PSMD6: variants seen among roughly 807,000 people sequenced by gnomAD.
PSMD6 encodes the protein proteasome 26S subunit, non-ATPase 6.
Under a neutral mutation model 44.9 loss-of-function variants are expected in PSMD6, and 7 were observed. The observed-to-expected ratio is 0.16, with a 90% CI of 0.09 to 0.29. PSMD6 has a LOEUF of 0.29. PSMD6 is among the 10% of genes least tolerant of loss of function. The pLI is 1.00. For missense variants in PSMD6, 420 were observed against 482.6 expected (o/e 0.87, Z 1.21); for synonymous variants, 184 against 172.7 (o/e 1.07, Z -0.51).
intron 1 of PSMD6, 79 bp downstream of exon 1, chr3:64,023,195 CA>C: frequency 1.0e-5 from 15 of 1,466,730 alleles, no homozygotes; most frequent in Admixed American, 5.0e-5. Flanking sequence ...GGAGCTCCAT[CA>C]AAAAAAGTCC....
chr3:64,019,170 T>A, intron 3 of PSMD6, 126 bp downstream of exon 3: 2 of 1,380,718 alleles, frequency 1.4e-6, no homozygotes, highest in Non-Finnish European at 2.0e-6. Context: ...ATTATTTTAC[T>A]AAATAAGTAC....
At chr3:64,019,227 T>G (rs2076093326) in intron 3 of PSMD6, 69 bp downstream of exon 3, 4 of 1,503,124 alleles carry the variant, frequency 2.7e-6, no homozygotes, top group Non-Finnish European at 2.7e-6. Context: ...AACAGGCAGT[T>G]TCTTATATCA....
intron 1 of PSMD6, chr3:64,022,951 G>C (rs2076156510): frequency 4.2e-6 from 6 of 1,431,492 alleles, no homozygotes; most frequent in Non-Finnish European, 4.6e-6. Flanking sequence ...CCCGCGCCCG[G>C]GAGCAGTCCC....
chr3:64,018,431 G>A (rs961232583), intron 5 of PSMD6, 168 bp downstream of exon 5: 9 of 535,268 alleles, frequency 1.7e-5, no homozygotes, highest in Non-Finnish European at 2.7e-5. Flanking sequence ...ACAATCTGAT[G>A]ACCCTTCTTC....
At chr3:64,023,033 C>T in intron 1 of PSMD6, 1 of 1,426,728 alleles carries the variant, frequency 7.0e-7, no homozygotes, top group Non-Finnish European at 9.1e-7. Flanking sequence ...TCACGATTCT[C>T]CCCCAAGCTG....
chr3:64,022,625 A>G (rs755989126), intron 1 of PSMD6, 102 bp from the exon 2 acceptor site: 5 of 1,574,550 alleles, frequency 3.2e-6, no homozygotes, highest in Non-Finnish European at 4.3e-6. Flanking sequence ...GTCATCCACC[A>G]GTCTCTTCCC....
Position 64,023,284 on chromosome 3 carries a change from G to C in PSMD6, c.136C>G (p.Arg46Gly). ...AVRDELMAAV[R>G]DNNMAPYYEA... ...CTCGTGCGGGCCTCACTGTTATCGC[G>C]GACGGCCGCCATCAGCTCGTCGCGC... is the stretch of plus-strand genomic sequence containing the variant. The change falls in exon 1 of 8, where the codon CGC (arginine) becomes GGC (glycine). Residue 46 changes from arginine (R) to glycine (G), a missense_variant. Arg to Gly is a moderately radical substitution (Grantham distance 125). This residue lies in a region of PSMD6 where 136 missense variants were observed against 124.2 expected (regional missense o/e 1.09). Coordinates refer to ENST00000295901, the MANE Select transcript of PSMD6 (RefSeq NM_014814.3). 3.2e-6 allele frequency: 5 copies of C among 1,569,250 alleles called. No homozygotes were observed. Among genetic ancestry groups the C allele is most frequent in the African/African-American group, 1.4e-5 (1 of 73,844 alleles).
At chr3:64,022,074 G>A (rs1300182788) in intron 2 of PSMD6, among the ~76,000 whole-genome samples, 1 of 152,138 alleles carries the variant, frequency 6.6e-6, no homozygotes, top group African/African-American at 2.4e-5. Flanking sequence ...GTACACTTAC[G>A]TTTTTATCGG....
At chr3:64,023,501 TACGCCCGGCCGCC>T, upstream of PSMD6, 2 of 1,462,910 alleles carry the variant, frequency 1.4e-6, no homozygotes, top group Non-Finnish European at 1.8e-6. Context: ...AGTCGGCGAA[TACGCCCGGCCGCC>T]TGCGGCCCGG....
intron 5 of PSMD6, 147 bp downstream of exon 5, chr3:64,018,452 T>C: frequency 1.7e-6 from 1 of 588,170 alleles, no homozygotes; most frequent in Non-Finnish European, 3.0e-6. Flanking sequence ...TAAACAAAAC[T>C]GGGCACATTA....
At chr3:64,019,572 C>T (rs971294127) in intron 2 of PSMD6, 131 bp from the exon 3 acceptor site, 58 of 905,836 alleles carry the variant, frequency 6.4e-5, no homozygotes, top group Non-Finnish European at 8.9e-5. Context: ...TGGCCATTAA[C>T]TGTTAATTGT....
intron 2 of PSMD6, among the ~76,000 whole-genome samples, chr3:64,021,288 C>T (rs1032110237): frequency 3.9e-5 from 6 of 152,086 alleles, no homozygotes; most frequent in African/African-American, 4.8e-5. Flanking sequence ...GAACATTAGG[C>T]AGCAGTTAAC....
At position 64,018,804 on chromosome 3, in the gene PSMD6, A is replaced by G. The variant is rs557016710; in HGVS notation, c.717+14T>C. ...ACAAGTCTTTAAATTTGAGTATTAA[A>G]GTTTGGTCATTACCTTTTCCCTGAG... On this transcript the variant is annotated intron_variant, in intron 4 of 7. Transcript: ENST00000295901. 6.4e-7 allele frequency: 1 copy of G among 1,552,292 alleles called. No homozygotes were observed. The highest frequency in any genetic ancestry group is 2.2e-5 in the East Asian group (1 of 44,482).
rs767263928 is a variant in PSMD6 at position 64,019,267 on chromosome 3, GA to G, written c.497+28del. On this transcript the variant is annotated intron_variant, in intron 3 of 7. Transcript: ENST00000295901. The stretch of plus-strand genomic sequence containing the variant: ...CTCATTTGTAGCATCATAATTTAGA[GA>G]AAATATAATCCCACCCTTAGAAAGT... The G allele has an allele frequency of 3.9e-6, 6 of 1,543,928 alleles. No individual in the cohort carries two copies. In the South Asian group the frequency reaches 6.9e-5, roughly 18 times the overall value.
intron 5 of PSMD6, 40 bp downstream of exon 5, chr3:64,018,559 G>C (rs551442752): frequency 7.0e-7 from 1 of 1,422,092 alleles, no homozygotes; most frequent in Non-Finnish European, 9.8e-7. Context: ...TCAGGAGTAA[G>C]ATGAAGACAG....
chr3:64,011,004 A>C, intron 6 of PSMD6, 49 bp from the exon 7 acceptor site: 2 of 1,436,804 alleles, frequency 1.4e-6, no homozygotes, highest in Non-Finnish European at 1.9e-6. Flanking sequence ...GAAAATTCTT[A>C]GAAAAATGCA....
chr3:64,022,986 T>C, intron 1 of PSMD6: 1 of 1,427,766 alleles, frequency 7.0e-7, no homozygotes, highest in Non-Finnish European at 9.2e-7. Context: ...CACGGGGCCT[T>C]TACTCTGTGC....
chr3:64,012,775 T>G (rs529532131), intron 6 of PSMD6: 2 of 152,394 alleles, frequency 1.3e-5, no homozygotes, highest in South Asian at 4.1e-4. Context: ...TCCTCTCAAT[T>G]CAAATCTCAG....
chr3:64,018,455 G>A, intron 5 of PSMD6, 144 bp downstream of exon 5: 1 of 594,786 alleles, frequency 1.7e-6, no homozygotes, highest in African/African-American at 1.9e-5. Flanking sequence ...ACAAAACTGG[G>A]CACATTAGGA....
Sources: allele counts gnomAD v4.1 joint callset (sites outside exome capture counted in the v4.1 genomes callset), GRCh38; gene constraint gnomAD v4.1.1; regional missense constraint gnomAD v4.1.1; transcripts MANE v1.5; gene names NCBI Gene and HGNC (gene_info 2026-07-23, HGNC 2026-07-21).